Variants in KIAA1549 observed in about 807,000 individuals in gnomAD.
The protein encoded by KIAA1549 is UPF0606 protein KIAA1549.
Under a neutral mutation model 156.4 loss-of-function variants are expected in KIAA1549, and 70 were observed. That is an observed-to-expected ratio of 0.45 (90% CI 0.37 to 0.55). The LOEUF is 0.55. Ranked by LOEUF, KIAA1549 falls within the 20% of genes least tolerant of loss-of-function variation. The pLI is 0.00. For missense variants in KIAA1549, 2,428 were observed against 2,540.9 expected, an observed-to-expected ratio of 0.96 and a Z score of 0.96; for synonymous variants, 1,103 against 1,066.4, an observed-to-expected ratio of 1.03 and a Z score of -0.67.
intron 2 of KIAA1549, among the ~76,000 whole-genome samples, chr7:138,913,561 G>GA (rs1812228380): frequency 6.6e-6 from 1 of 152,036 alleles, no homozygotes; most frequent in Non-Finnish European, 1.5e-5. Flanking sequence ...TCCATTTCCT[G>GA]ATTTTAATTT....
At chr7:138,852,766 T>A (rs929599750) in intron 16 of KIAA1549, among the ~76,000 whole-genome samples, 1 of 152,240 alleles carries the variant, frequency 6.6e-6, no homozygotes, top group Admixed American at 6.5e-5. Context: ...CTGTCTCATG[T>A]TGCAGAATGC....
chr7:138,947,950 A>T (rs1182609151), intron 1 of KIAA1549, among the ~76,000 whole-genome samples: 2 of 151,958 alleles, frequency 1.3e-5, no homozygotes, highest in Non-Finnish European at 2.9e-5. Flanking sequence ...TTTTGTAGAG[A>T]CAGGGTTTCG....
At chr7:138,945,524 T>C (rs1584775817) in intron 1 of KIAA1549, among the ~76,000 whole-genome samples, 1 of 152,350 alleles carries the variant, frequency 6.6e-6, no homozygotes, top group Non-Finnish European at 1.5e-5. Context: ...TTTGCAGCTC[T>C]ATACCACTTC....
intron 17 of KIAA1549, among the ~76,000 whole-genome samples, chr7:138,849,929 G>A (rs962295665): frequency 3.9e-5 from 6 of 152,060 alleles, no homozygotes; most frequent in African/African-American, 1.4e-4. Flanking sequence ...ATTCCATTGT[G>A]TATGCGTACC....
At chr7:138,954,483 C>T (rs896866376) in intron 1 of KIAA1549, among the ~76,000 whole-genome samples, 36 of 152,170 alleles carry the variant, frequency 2.4e-4, no homozygotes, top group Admixed American at 1.4e-3. Context: ...GCATCCTTAA[C>T]AGCCACCCCC....
intron 9 of KIAA1549, among the ~76,000 whole-genome samples, chr7:138,896,687 T>G (rs1026005612): frequency 6.6e-6 from 1 of 151,448 alleles, no homozygotes; most frequent in Non-Finnish European, 1.5e-5. Context: ...CGCGACCTCC[T>G]GGGCTCAGGT....
chr7:138,836,331 G>C lies in KIAA1549; in HGVS notation c.*1575C>G. 1 of 208,276 alleles carries C rather than the reference G, an allele frequency of 4.8e-6. No individual in the cohort carries two copies. Among genetic ancestry groups the C allele is most frequent in the Non-Finnish European group, 9.8e-6 (1 of 102,274 alleles). 12.9% of individuals were successfully genotyped at this position (208,276 alleles called of 1,614,324 possible). A position where few individuals can be genotyped will look rare whatever the true frequency, so the allele number is the denominator to read the frequency against. On this transcript the variant is annotated 3_prime_UTR_variant, in exon 20 of 20. Transcript: ENST00000422774. ...GTTCAGTACAGTAACATGCTGTACAGGTTTGTAGCCTAAGAGGAATAGGCC... is the reference window on the plus strand; with the variant it reads ...GTTCAGTACAGTAACATGCTGTACACGTTTGTAGCCTAAGAGGAATAGGCC...
At chr7:138,976,027 A>C (rs961608368) in intron 1 of KIAA1549, among the ~76,000 whole-genome samples, 3 of 152,124 alleles carry the variant, frequency 2.0e-5, no homozygotes, top group African/African-American at 7.2e-5. Context: ...AAACAAAACC[A>C]AGCAAAAACA....
intron 2 of KIAA1549, among the ~76,000 whole-genome samples, chr7:138,915,132 G>C (rs1812281024): frequency 6.6e-6 from 1 of 152,144 alleles, no homozygotes; most frequent in African/African-American, 2.4e-5. Flanking sequence ...CTCCAGCCAT[G>C]ATGACAGTCT....
chr7:138,972,037 A>G (rs1240574289), intron 1 of KIAA1549, among the ~76,000 whole-genome samples: 1 of 152,134 alleles, frequency 6.6e-6, no homozygotes, highest in Non-Finnish European at 1.5e-5. Flanking sequence ...AGTCACCTGG[A>G]GAAAAGAGGA....
chr7:138,962,835 G>C (rs765544658), intron 1 of KIAA1549, among the ~76,000 whole-genome samples: 31 of 152,196 alleles, frequency 2.0e-4, no homozygotes, highest in Non-Finnish European at 4.4e-4. Flanking sequence ...TAACCAAAAT[G>C]AGGCTCCCCT....
chr7:138,948,934 A>G (rs1271006170), intron 1 of KIAA1549, among the ~76,000 whole-genome samples: 1 of 151,334 alleles, frequency 6.6e-6, no homozygotes, highest in East Asian at 1.9e-4. Flanking sequence ...CAAACTCGCA[A>G]CCTCAGGTGA....
chr7:138,859,052 C>T lies in KIAA1549; in HGVS notation c.5247+2087G>A, dbSNP rs540507521. Among the ~76,000 whole-genome samples, 144 of 144,146 alleles carry T rather than the reference C, an allele frequency of 1.0e-3. 1 individual carries two copies. The highest frequency in any genetic ancestry group is 7.0e-3 in the Middle Eastern group (2 of 286). 94.6% of individuals were successfully genotyped at this position (144,146 alleles called of 152,430 possible). On this transcript the variant is annotated intron_variant, in intron 16 of 19. Coordinates refer to ENST00000422774, the MANE Select transcript of KIAA1549 (RefSeq NM_001164665.2). Reference sequence around the variant, plus strand: ...ACACACACACACACACACACACACACGAACAGAAACTGATTTTCTCATAAT... The same window carrying T: ...ACACACACACACACACACACACACATGAACAGAAACTGATTTTCTCATAAT...
In KIAA1549 at chr7:138,832,580, T is replaced by A. The variant is rs959840081; in HGVS notation, c.*5326A>T. 9.7e-6 allele frequency: 2 copies of A among 206,276 alleles called. No homozygotes were observed. The highest frequency in any genetic ancestry group is 2.0e-5 in the Non-Finnish European group (2 of 101,038). The allele number at this position is 206,276 out of a possible 1,614,324, so 12.8% of individuals were successfully genotyped here. ...GAAAAGGAAGGATCCTGGATAATTA[T>A]CTACCCTGTGGGAAGCCATTTTAAC... is the stretch of plus-strand genomic sequence containing the variant. On this transcript the variant is annotated 3_prime_UTR_variant, in exon 20 of 20. Transcript: ENST00000422774.
intron 11 of KIAA1549, 43 bp downstream of exon 11, chr7:138,881,345 C>A (rs1811236753): frequency 1.3e-6 from 2 of 1,567,310 alleles, no homozygotes; most frequent in Non-Finnish European, 1.7e-6. Context: ...ATAACAGAAG[C>A]ATGCTCTGCA....
intron 1 of KIAA1549, among the ~76,000 whole-genome samples, chr7:138,943,850 G>GA (rs1214312527): frequency 2.1e-5 from 3 of 144,990 alleles, no homozygotes; most frequent in African/African-American, 2.7e-5. Context: ...CTCCATCTCA[G>GA]AAAAAAACAA....
At chr7:138,970,746 T>A (rs1481184507) in intron 1 of KIAA1549, among the ~76,000 whole-genome samples, 1 of 152,186 alleles carries the variant, frequency 6.6e-6, no homozygotes, top group Non-Finnish European at 1.5e-5. Context: ...CAGACCTGTC[T>A]CCTGGGCTTT....
intron 1 of KIAA1549, among the ~76,000 whole-genome samples, chr7:138,960,272 C>CA (rs1434564791): frequency 1.3e-5 from 2 of 150,188 alleles, no homozygotes; most frequent in Admixed American, 6.6e-5. Context: ...CTCATCTCTA[C>CA]AAAAATAAAT....
intron 1 of KIAA1549, among the ~76,000 whole-genome samples, chr7:138,924,555 G>A (rs1383972377): frequency 2.0e-5 from 3 of 152,160 alleles, no homozygotes; most frequent in Non-Finnish European, 4.4e-5. Flanking sequence ...CAGGGTACGG[G>A]GAGGGCAAAG....
Sources: allele counts gnomAD v4.1 joint callset (sites outside exome capture counted in the v4.1 genomes callset), GRCh38; gene constraint gnomAD v4.1.1; transcripts MANE v1.5; gene names NCBI Gene and HGNC (gene_info 2026-07-23, HGNC 2026-07-21).